Variants in CSMD1 observed in about 807,000 individuals in gnomAD.
CSMD1 encodes CUB and sushi domain-containing protein 1.
In CSMD1, 213 loss-of-function variants were observed where a neutral mutation model predicts 417.5. The ratio of observed to expected loss-of-function variants is 0.51; its 90% CI spans 0.46 to 0.57. CSMD1 has a LOEUF of 0.57. Among genes scored for constraint, CSMD1 ranks in the 20% least tolerant of loss-of-function variants. The pLI is 0.00. For synonymous variants in CSMD1, 2,862 were observed against 1,736.8 expected, an observed-to-expected ratio of 1.65 and a Z score of -16.11; for missense variants, 6,923 against 4,529.7, an observed-to-expected ratio of 1.53 and a Z score of -15.17.
intron 1 of CSMD1, among the ~76,000 whole-genome samples, chr8:4,659,111 G>T (rs570411180): frequency 1.8e-4 from 28 of 152,066 alleles, no homozygotes; most frequent in African/African-American, 2.4e-5. Flanking sequence ...GATTAAAAAT[G>T]TAAGTACAAA....
At chr8:3,731,482 C>G (rs1298470097) in intron 6 of CSMD1, among the ~76,000 whole-genome samples, 1 of 152,152 alleles carries the variant, frequency 6.6e-6, no homozygotes, top group Non-Finnish European at 1.5e-5. Flanking sequence ...CCGAAACTTG[C>G]CCAGCCACTG....
At chr8:4,603,161 G>C (rs919335729) in intron 2 of CSMD1, among the ~76,000 whole-genome samples, 2 of 151,884 alleles carry the variant, frequency 1.3e-5, no homozygotes, top group African/African-American at 2.4e-5. Flanking sequence ...ATTACTTTAA[G>C]AAAATATCAG....
At chr8:4,000,807 G>A (rs899655644) in intron 4 of CSMD1, among the ~76,000 whole-genome samples, 3 of 150,774 alleles carry the variant, frequency 2.0e-5, no homozygotes, top group South Asian at 4.2e-4. Context: ...AAAAGTTATG[G>A]CATCTCAATG....
At chr8:3,054,842 G>C (rs1393948320) in intron 49 of CSMD1, among the ~76,000 whole-genome samples, 1 of 152,128 alleles carries the variant, frequency 6.6e-6, no homozygotes, top group Non-Finnish European at 1.5e-5. Flanking sequence ...ATCATCTTTG[G>C]CTCTGTGGAA....
chr8:3,543,307 G>A (rs777540136), intron 10 of CSMD1, among the ~76,000 whole-genome samples: 2 of 152,206 alleles, frequency 1.3e-5, no homozygotes, highest in African/African-American at 4.8e-5. Flanking sequence ...AATAATTTAT[G>A]TTTTTAGGGA....
intron 1 of CSMD1, among the ~76,000 whole-genome samples, chr8:4,950,985 A>AAAAC (rs35979897): frequency 6.6e-6 from 1 of 150,880 alleles, no homozygotes; most frequent in African/African-American, 2.4e-5. Flanking sequence ...AACAAAAACA[A>AAAAC]AAACAAACAA....
At chr8:3,414,213 A>AAAAAG (rs1812988465) in intron 12 of CSMD1, among the ~76,000 whole-genome samples, 1 of 16,262 alleles carries the variant, frequency 6.1e-5, no homozygotes, top group African/African-American at 2.3e-4. Context: ...CACCTAAAGC[A>AAAAAG]AAAAAAAAAA....
intron 3 of CSMD1, among the ~76,000 whole-genome samples, chr8:4,139,204 G>T (rs1275859420): frequency 6.6e-6 from 1 of 152,116 alleles, no homozygotes; most frequent in African/African-American, 2.4e-5. Flanking sequence ...TATCTTCCTG[G>T]AAAATAAGAG....
At chr8:3,521,836 T>C (rs1030236425) in intron 10 of CSMD1, among the ~76,000 whole-genome samples, 1 of 152,244 alleles carries the variant, frequency 6.6e-6, no homozygotes, top group Non-Finnish European at 1.5e-5. Flanking sequence ...TTAAGAAATG[T>C]ATATTATCAT....
At chr8:3,866,887 G>T (rs1171829938) in intron 5 of CSMD1, among the ~76,000 whole-genome samples, 2 of 152,102 alleles carry the variant, frequency 1.3e-5, no homozygotes, top group African/African-American at 4.8e-5. Context: ...AAATCCTCCT[G>T]CAAGACATGG....
intron 5 of CSMD1, among the ~76,000 whole-genome samples, chr8:3,874,886 C>A (rs1191850275): frequency 2.0e-5 from 3 of 152,084 alleles, no homozygotes; most frequent in African/African-American, 7.2e-5. Flanking sequence ...AGATCCACTG[C>A]GATGCTGCGC....
chr8:4,844,922 G>C (rs187487975), intron 1 of CSMD1, among the ~76,000 whole-genome samples: 1 of 152,040 alleles, frequency 6.6e-6, no homozygotes, highest in African/African-American at 2.4e-5. Context: ...ACTTAACTTC[G>C]TGTTTCCCAA....
intron 2 of CSMD1, among the ~76,000 whole-genome samples, chr8:4,634,830 A>C (rs1802729002): frequency 6.6e-6 from 1 of 152,126 alleles, no homozygotes; most frequent in African/African-American, 2.4e-5. Flanking sequence ...CAACACACCC[A>C]TTCCAATTTC....
chr8:3,704,204 A>G (rs1477266035), intron 7 of CSMD1, among the ~76,000 whole-genome samples: 1 of 152,196 alleles, frequency 6.6e-6, no homozygotes, highest in Non-Finnish European at 1.5e-5. Flanking sequence ...CGGCCTGAAA[A>G]ATCACAGCTA....
At chr8:4,917,928 C>T (rs1202505373) in intron 1 of CSMD1, among the ~76,000 whole-genome samples, 1 of 152,118 alleles carries the variant, frequency 6.6e-6, no homozygotes, top group Non-Finnish European at 1.5e-5. Context: ...CATTTACAAT[C>T]AGAAGTTGAT....
intron 5 of CSMD1, among the ~76,000 whole-genome samples, chr8:3,925,406 C>G (rs1255960658): frequency 6.6e-6 from 1 of 152,066 alleles, no homozygotes; most frequent in African/African-American, 2.4e-5. Context: ...AATATAAAAG[C>G]ATGATGAAAG....
At chr8:4,549,976 G>T (rs1797798472) in intron 2 of CSMD1, among the ~76,000 whole-genome samples, 1 of 150,854 alleles carries the variant, frequency 6.6e-6, no homozygotes, top group Non-Finnish European at 1.5e-5. Context: ...TCTTAAAATG[G>T]TAACTTTTGA....
rs554257572 is a variant in CSMD1 at position 4,756,912 on chromosome 8, G to T, written c.86-119354C>A. On this transcript the variant is annotated intron_variant, in intron 1 of 69. Transcript: ENST00000635120. ...TGGCAGTCCAAATCATCCTTTAACC[G>T]GAAACAGCTGTGAAAGCTGAATGTT... 5.3e-5 allele frequency among the ~76,000 whole-genome samples: 8 copies of T among 152,310 alleles called. No homozygotes were observed. In the South Asian group the frequency reaches 1.7e-3, roughly 32 times the overall value.
intron 23 of CSMD1, among the ~76,000 whole-genome samples, chr8:3,314,246 T>C (rs1425155292): frequency 6.6e-6 from 1 of 151,710 alleles, no homozygotes; most frequent in Non-Finnish European, 1.5e-5. Context: ...ACTTAAAGTA[T>C]AATAAAAAAA....
Sources: gnomAD v4.1 joint callset for allele counts (sites outside exome capture counted in the v4.1 genomes callset) on GRCh38, gnomAD v4.1.1 for gene constraint, MANE v1.5 for transcripts, NCBI Gene and HGNC (gene_info 2026-07-23, HGNC 2026-07-21) for gene names.